Variants in AGTPBP1 observed in about 807,000 individuals in gnomAD.
AGTPBP1 encodes the protein cytosolic carboxypeptidase 1.
A neutral mutation model predicts 143.9 loss-of-function variants in AGTPBP1; 70 were observed. That is an observed-to-expected ratio of 0.49 (90% CI 0.40 to 0.59). AGTPBP1 has a LOEUF of 0.59. Ranked by LOEUF, AGTPBP1 falls within the 20% of genes least tolerant of loss-of-function variation. AGTPBP1 has a pLI of 0.00. For synonymous variants in AGTPBP1, 463 were observed against 500.2 expected (o/e 0.93, Z 0.99); for missense variants, 1,229 against 1,464.5 (o/e 0.84, Z 2.62).
At chr9:85,764,555 C>A in the AGTPBP1 span, among the ~76,000 whole-genome samples, 3 of 151,884 alleles carry the variant, frequency 2.0e-5, no homozygotes, top group Admixed American at 1.3e-4. Flanking sequence ...AAAATGAATA[C>A]CCCCTCCCTC....
chr9:85,730,739 A>G (rs1838824606), intron 1 of AGTPBP1, among the ~76,000 whole-genome samples: 1 of 152,150 alleles, frequency 6.6e-6, no homozygotes, highest in South Asian at 2.1e-4. Context: ...AACGCACTCT[A>G]TCTTAGTCCT....
intron 13 of AGTPBP1, among the ~76,000 whole-genome samples, chr9:85,639,367 G>GCGCACACA (rs1554713133): frequency 0.04 from 5,838 of 147,260 alleles, 155 homozygotes; most frequent in Admixed American, 0.091. Flanking sequence ...GCGCGCACGC[G>GCGCACACA]CACACACACA....
intron 19 of AGTPBP1, among the ~76,000 whole-genome samples, chr9:85,592,170 C>T (rs1310893420): frequency 6.6e-6 from 1 of 151,708 alleles, no homozygotes; most frequent in Admixed American, 6.6e-5. Flanking sequence ...GAAATCTCAC[C>T]TGGTTAAAAA....
At chr9:85,720,518 C>A (rs1838033792) in intron 1 of AGTPBP1, among the ~76,000 whole-genome samples, 1 of 152,108 alleles carries the variant, frequency 6.6e-6, no homozygotes, top group African/African-American at 2.4e-5. Context: ...TCCCCTTTAT[C>A]ATTTGTTATT....
chr9:85,741,227 G>C, intron 1 of AGTPBP1: 2 of 985,450 alleles, frequency 2.0e-6, no homozygotes, highest in South Asian at 9.4e-5. Flanking sequence ...ACCACCCAGC[G>C]AGAGGAAGCA....
At chr9:85,678,447 CAG>C in intron 4 of AGTPBP1, 49 bp from the exon 5 acceptor site, 1 of 1,305,764 alleles carries the variant, frequency 7.7e-7, no homozygotes, top group Middle Eastern at 2.5e-4. Flanking sequence ...TTTTGATTCC[CAG>C]ACTTTTGAAT....
intron 8 of AGTPBP1, among the ~76,000 whole-genome samples, chr9:85,662,423 G>A (rs1177260408): frequency 6.6e-6 from 1 of 152,042 alleles, no homozygotes; most frequent in African/African-American, 2.4e-5. Context: ...TCATTGCATT[G>A]AATTATCAGT....
At position 85,738,248 on chromosome 9, in the gene AGTPBP1, A is replaced by G. The variant is rs1434094869; in HGVS notation, c.-34+3527T>C. Among the ~76,000 whole-genome samples, 3 of 152,186 alleles carry G rather than the reference A, an allele frequency of 2.0e-5. No individual in the cohort carries two copies. In the East Asian group the frequency reaches 5.8e-4, roughly 29 times the overall value. Reference sequence around the variant, plus strand: ...TTAACAATGTAAAAGGGTCCTAACCAAAAGTTTGAAAGCATTTAGAGTTTT... The same window carrying G: ...TTAACAATGTAAAAGGGTCCTAACCGAAAGTTTGAAAGCATTTAGAGTTTT... On this transcript the variant is annotated intron_variant, in intron 1 of 25. Transcript: ENST00000357081.
At chr9:85,766,390 A>C in the AGTPBP1 span, among the ~76,000 whole-genome samples, 1 of 152,202 alleles carries the variant, frequency 6.6e-6, no homozygotes, top group South Asian at 2.1e-4. Context: ...GGCAGATACA[A>C]GAAAGAAGTC....
intron 25 of AGTPBP1, among the ~76,000 whole-genome samples, chr9:85,556,937 C>A (rs1311356178): frequency 2.0e-5 from 3 of 152,070 alleles, no homozygotes; most frequent in Non-Finnish European, 4.4e-5. Context: ...AAAATCTGAA[C>A]CACAGATTTA....
At chr9:85,568,004 G>T (rs1827217055) in intron 25 of AGTPBP1, among the ~76,000 whole-genome samples, 1 of 152,148 alleles carries the variant, frequency 6.6e-6, no homozygotes, top group Admixed American at 6.5e-5. Flanking sequence ...ACCAGATTGA[G>T]GATAAGAATA....
the AGTPBP1 span, chr9:85,781,284 T>G: frequency 1.3e-6 from 2 of 1,559,962 alleles, no homozygotes; most frequent in Non-Finnish European, 1.7e-6. Context: ...TTTATTTCTA[T>G]AAGAAAACCA....
chr9:85,675,186 G>A (rs559463205), intron 6 of AGTPBP1, among the ~76,000 whole-genome samples: 14 of 152,056 alleles, frequency 9.2e-5, no homozygotes, highest in Admixed American at 2.0e-4. Context: ...ATGAGACACC[G>A]TACCCGGCCA....
At chr9:85,728,979 T>C (rs755651434) in intron 1 of AGTPBP1, among the ~76,000 whole-genome samples, 26 of 152,162 alleles carry the variant, frequency 1.7e-4, no homozygotes, top group Non-Finnish European at 3.4e-4. Context: ...TTAAAAGTAA[T>C]GGCAAAAACT....
chr9:85,592,736 T>A, intron 18 of AGTPBP1, 32 bp from the exon 19 acceptor site: 3 of 1,597,416 alleles, frequency 1.9e-6, no homozygotes, highest in Non-Finnish European at 2.6e-6. Context: ...CATGTTCATT[T>A]CATCCACATG....
intron 3 of AGTPBP1, among the ~76,000 whole-genome samples, chr9:85,692,430 C>T (rs1835939614): frequency 6.6e-6 from 1 of 151,994 alleles, no homozygotes; most frequent in African/African-American, 2.4e-5. Flanking sequence ...CATGCTACCA[C>T]ACCCGGCTAA....
chr9:85,784,922 T>C, the AGTPBP1 span, among the ~76,000 whole-genome samples: 5 of 152,326 alleles, frequency 3.3e-5, no homozygotes, highest in Admixed American at 6.5e-5. Flanking sequence ...ATGAAACTTT[T>C]CAAATTTTAA....
chr9:85,650,723 A>AC (rs1833113523), intron 11 of AGTPBP1, among the ~76,000 whole-genome samples: 1 of 151,984 alleles, frequency 6.6e-6, no homozygotes, highest in African/African-American at 2.4e-5. Context: ...TGATTTAACC[A>AC]CCCCTATTTA....
intron 1 of AGTPBP1, among the ~76,000 whole-genome samples, chr9:85,713,457 G>A (rs1837509929): frequency 6.6e-6 from 1 of 152,186 alleles, no homozygotes; most frequent in African/African-American, 2.4e-5. Context: ...CTTGAACCCG[G>A]GAGGTGGAGG....
Sources: allele counts gnomAD v4.1 joint callset (sites outside exome capture counted in the v4.1 genomes callset), GRCh38; gene constraint gnomAD v4.1.1; transcripts MANE v1.5; gene names NCBI Gene and HGNC (gene_info 2026-07-23, HGNC 2026-07-21).